The following DCP1A variants were observed in gnomAD, a reference collection of about 807,000 sequenced individuals.
The protein encoded by DCP1A is decapping mRNA 1A, also known as mRNA-decapping enzyme 1A.
DCP1A carries 20 observed loss-of-function variants against 58.0 expected under a neutral mutation model. That is an observed-to-expected ratio of 0.34 (90% CI 0.24 to 0.50). DCP1A has a LOEUF of 0.50. Ranked by LOEUF, DCP1A falls within the 20% of genes least tolerant of loss-of-function variation. The pLI, the probability that DCP1A is intolerant of heterozygous loss-of-function variation, is 0.98. For synonymous variants in DCP1A, 285 were observed against 275.1 expected (o/e 1.04, Z -0.36); for missense variants, 613 against 712.2 (o/e 0.86, Z 1.59).
intron 5 of DCP1A, among the ~76,000 whole-genome samples, chr3:53,308,864 G>T (rs1553688367): frequency 6.6e-6 from 1 of 152,040 alleles, no homozygotes; most frequent in African/African-American, 2.4e-5. Flanking sequence ...GCCTCCCAAG[G>T]TGCTGGAATT....
intron 5 of DCP1A, among the ~76,000 whole-genome samples, chr3:53,307,488 T>C (rs1707511422): frequency 6.6e-6 from 1 of 152,206 alleles, no homozygotes; most frequent in Non-Finnish European, 1.5e-5. Context: ...TACCATGGCT[T>C]CCCTGGCTCT....
intron 7 of DCP1A, 109 bp downstream of exon 7, chr3:53,291,960 A>G: frequency 2.5e-6 from 3 of 1,221,226 alleles, no homozygotes; most frequent in Non-Finnish European, 3.3e-6. Flanking sequence ...CTTTAAAGGG[A>G]CAACTCTAAA....
chr3:53,307,519 T>C (rs542299589), intron 5 of DCP1A, among the ~76,000 whole-genome samples: 8 of 152,236 alleles, frequency 5.3e-5, no homozygotes, highest in Non-Finnish European at 1.2e-4. Flanking sequence ...GATTTGCAAT[T>C]CTTAAGTATA....
intron 4 of DCP1A, among the ~76,000 whole-genome samples, chr3:53,316,798 A>G (rs1254076526): frequency 1.3e-5 from 2 of 152,168 alleles, no homozygotes; most frequent in African/African-American, 2.4e-5. Context: ...TGAAAATTTA[A>G]GCAATTGTCC....
At position 53,292,562 on chromosome 3, in the gene DCP1A, G is replaced by C. The variant is rs35988197; in HGVS notation, c.890C>G (p.Ala297Gly). 10,828 of 1,613,984 alleles carry C rather than the reference G, an allele frequency of 6.7e-3. 49 individuals carry two copies. Among genetic ancestry groups the C allele is most frequent in the Non-Finnish European group, 8.1e-3 (9,585 of 1,179,876 alleles). ...EITTPVLITP[A>G]SITQSNEKHA... Reference sequence around the variant, plus strand: ...CTTTTCATTGGACTGTGTGATGGAGGCTGGAGTGATTAGCACCGGGGTGGT... The same window carrying C: ...CTTTTCATTGGACTGTGTGATGGAGCCTGGAGTGATTAGCACCGGGGTGGT... The change falls in exon 7 of 10, where the codon GCC becomes GGC. Residue 297 changes from alanine (A) to glycine (G), a missense_variant. This residue lies in a region of DCP1A where 498 missense variants were observed against 556.7 expected (regional missense o/e 0.89). Transcript: ENST00000610213.
At chr3:53,314,667 CTTTTTTT>C (rs1167830951) in intron 4 of DCP1A, among the ~76,000 whole-genome samples, 1 of 86,722 alleles carries the variant, frequency 1.2e-5, no homozygotes, top group Non-Finnish European at 2.1e-5. Context: ...TTTTCTTTTT[CTTTTTTT>C]TTTTTTTTTT....
intron 3 of DCP1A, among the ~76,000 whole-genome samples, chr3:53,338,374 G>C (rs182501536): frequency 1.1e-3 from 161 of 152,162 alleles, no homozygotes; most frequent in African/African-American, 3.6e-3. Context: ...CTTGAGCCCA[G>C]GAGTTCAAGA....
chr3:53,296,134 A>T (rs895166249), intron 6 of DCP1A, among the ~76,000 whole-genome samples: 1 of 152,132 alleles, frequency 6.6e-6, no homozygotes, highest in African/African-American at 2.4e-5. Flanking sequence ...ACCTCAGGTG[A>T]TCTGCGTGCC....
At position 53,332,126 on chromosome 3, in the gene DCP1A, C is replaced by G. The variant is rs981885393; in HGVS notation, c.304+10018G>C. On this transcript the variant is annotated intron_variant, in intron 3 of 9. Transcript: ENST00000610213. ...ATCACAGAAGAGTGGCCTTTGGAGACAAGTTTCCCTTGAAGATTAGACCAG... is the reference window on the plus strand; with the variant it reads ...ATCACAGAAGAGTGGCCTTTGGAGAGAAGTTTCCCTTGAAGATTAGACCAG... Among the ~76,000 whole-genome samples, 5 of 152,178 alleles carry G rather than the reference C, an allele frequency of 3.3e-5. No homozygotes were observed. The South Asian group carries it at 1.0e-3, about 31-fold the overall frequency.
chr3:53,292,626 C>A lies in DCP1A; in HGVS notation c.826G>T (p.Val276Phe). Residue 276 changes from valine to phenylalanine, a missense_variant, in exon 7 of 10, where the codon GTC becomes TTC. Physicochemically the swap from Val to Phe is conservative, Grantham distance 50. This residue lies in a region of DCP1A where 498 missense variants were observed against 556.7 expected (regional missense o/e 0.89). Transcript: ENST00000610213. ...GGAPQSETLG[V>F]PSAAHHSVQP... ...ACTGAATGGTGGGCAGCAGAAGGGACACCCAGGGTTTCTGATTGAGGGGCT... is the reference window on the plus strand; with the variant it reads ...ACTGAATGGTGGGCAGCAGAAGGGAAACCCAGGGTTTCTGATTGAGGGGCT... 1 of 1,613,662 alleles carries A rather than the reference C, an allele frequency of 6.2e-7. No individual in the cohort carries two copies. Among genetic ancestry groups the A allele is most frequent in the Non-Finnish European group, 8.5e-7 (1 of 1,179,758 alleles).
chr3:53,301,002 C>A (rs1451273803), intron 6 of DCP1A, among the ~76,000 whole-genome samples: 1 of 152,042 alleles, frequency 6.6e-6, no homozygotes, highest in Non-Finnish European at 1.5e-5. Context: ...GGTCTCACAA[C>A]AAATCTGCAT....
chr3:53,294,984 A>C (rs1274203617), intron 6 of DCP1A, among the ~76,000 whole-genome samples: 3 of 152,168 alleles, frequency 2.0e-5, no homozygotes, highest in African/African-American at 7.2e-5. Flanking sequence ...GCAGACACTC[A>C]ACAGTGCTCT....
rs1706661201 is a variant in DCP1A at position 53,287,056 on chromosome 3, A to G, written c.*524T>C. On this transcript the variant is annotated 3_prime_UTR_variant, in exon 10 of 10. Transcript: ENST00000610213. Reference sequence around the variant, plus strand: ...TATAAAATATACTTCACTTGAGGAAATAATTCCTAATTTGCCGGCTTAAAT... The same window carrying G: ...TATAAAATATACTTCACTTGAGGAAGTAATTCCTAATTTGCCGGCTTAAAT... 6.6e-6 allele frequency: 1 copy of G among 152,318 alleles called. No individual in the cohort carries two copies. The highest frequency in any genetic ancestry group is 1.5e-5 in the Non-Finnish European group (1 of 68,108). 9.4% of individuals were successfully genotyped at this position (152,318 alleles called of 1,614,324 possible).
rs782772671 is a variant in DCP1A at position 53,347,367 on chromosome 3, G to A, written c.135+16C>T. On this transcript the variant is annotated intron_variant, in intron 1 of 9. Coordinates refer to ENST00000610213, the MANE Select transcript of DCP1A (RefSeq NM_018403.7). ...CAGCGGCCGGGTGGCCGTCCTCAGGGCCAGGCGGCACTCACCCACTGGTTG... is the reference window on the plus strand; with the variant it reads ...CAGCGGCCGGGTGGCCGTCCTCAGGACCAGGCGGCACTCACCCACTGGTTG... 3.2e-6 allele frequency: 5 copies of A among 1,567,012 alleles called. No individual in the cohort carries two copies. Among genetic ancestry groups the A allele is most frequent in the Non-Finnish European group, 4.3e-6 (5 of 1,157,388 alleles).
chr3:53,326,960 A>G (rs1039025634), intron 3 of DCP1A, among the ~76,000 whole-genome samples: 1 of 148,432 alleles, frequency 6.7e-6, no homozygotes, highest in Non-Finnish European at 1.5e-5. Context: ...GTTCTGCCAA[A>G]TGTTGGACAT....
At chr3:53,299,603 C>A (rs1337750696) in intron 6 of DCP1A, among the ~76,000 whole-genome samples, 4 of 152,150 alleles carry the variant, frequency 2.6e-5, no homozygotes, top group African/African-American at 9.7e-5. Flanking sequence ...ACATAGGAAA[C>A]AAACAATAAC....
chr3:53,336,393 C>T (rs1221591174), intron 3 of DCP1A, among the ~76,000 whole-genome samples: 2 of 152,182 alleles, frequency 1.3e-5, no homozygotes, highest in African/African-American at 4.8e-5. Flanking sequence ...AGGCGTGAGC[C>T]ACCGCACAGG....
At chr3:53,345,541 A>G (rs1553693052) in intron 1 of DCP1A, among the ~76,000 whole-genome samples, 1 of 152,066 alleles carries the variant, frequency 6.6e-6, no homozygotes, top group East Asian at 1.9e-4. Context: ...ACCATAGTTC[A>G]TTTTCTGTGA....
chr3:53,290,510 G>C (rs150683469), intron 8 of DCP1A: 13,787 of 575,990 alleles, frequency 0.024, 220 homozygotes, highest in Non-Finnish European at 0.032. Context: ...GGTGGGAGAG[G>C]ACCTGGCCTA....
Sources: gnomAD v4.1 joint callset for allele counts (sites outside exome capture counted in the v4.1 genomes callset) on GRCh38, gnomAD v4.1.1 for gene constraint, gnomAD v4.1.1 regional missense constraint, MANE v1.5 for transcripts, NCBI Gene and HGNC (gene_info 2026-07-23, HGNC 2026-07-21) for gene names.